CTNNA2: variants seen among roughly 807,000 people sequenced by gnomAD.
CTNNA2 encodes catenin alpha-2.
In CTNNA2, 42 loss-of-function variants were observed where a neutral mutation model predicts 101.0. The observed-to-expected ratio is 0.42, with a 90% CI of 0.32 to 0.54. The LOEUF (loss-of-function observed/expected upper bound fraction) is 0.54, where lower values mean the gene tolerates loss of function less well. Ranked by LOEUF, CTNNA2 falls within the 20% of genes least tolerant of loss-of-function variation. CTNNA2 has a pLI of 0.14. For missense variants in CTNNA2, 871 were observed against 1,223.1 expected (o/e 0.71, Z 4.29); for synonymous variants, 450 against 456.4 (o/e 0.99, Z 0.18).
chr2:80,093,624 G>A (rs908139585), intron 7 of CTNNA2, among the ~76,000 whole-genome samples: 3 of 152,106 alleles, frequency 2.0e-5, no homozygotes, highest in Non-Finnish European at 4.4e-5. Flanking sequence ...CCCACCAACA[G>A]AGTAAAAGTG....
chr2:79,511,055 A>G (rs1671525531), upstream of CTNNA2, among the ~76,000 whole-genome samples: 1 of 152,218 alleles, frequency 6.6e-6, no homozygotes, highest in African/African-American at 2.4e-5. Flanking sequence ...TTTTTAGTTT[A>G]TTCCCTCAGG....
At chr2:80,339,751 G>C (rs934768198) in intron 7 of CTNNA2, among the ~76,000 whole-genome samples, 1 of 152,172 alleles carries the variant, frequency 6.6e-6, no homozygotes, top group East Asian at 1.9e-4. Context: ...GAAAGTGTAA[G>C]AAACAAACCA....
At chr2:80,255,662 A>T (rs1001864470) in intron 7 of CTNNA2, among the ~76,000 whole-genome samples, 1 of 152,176 alleles carries the variant, frequency 6.6e-6, no homozygotes, top group Non-Finnish European at 1.5e-5. Context: ...TGAATAAAAG[A>T]TCCCACATTT....
In CTNNA2 at chr2:79,410,591, C is replaced by A. The variant is rs553823616; in HGVS notation, c.-135+36578C>A. Reference sequence around the variant, plus strand: ...GTTTGTCTTTGGTTCAGTTTATATGCTGGATTACATTTATTGATTTGTGTA... The same window carrying A: ...GTTTGTCTTTGGTTCAGTTTATATGATGGATTACATTTATTGATTTGTGTA... On this transcript the variant is annotated intron_variant, in intron 4 of 21. Coordinates refer to the CTNNA2 transcript ENST00000466387. Among the ~76,000 whole-genome samples, 9 of 152,052 alleles carry A rather than the reference C, an allele frequency of 5.9e-5. No homozygotes were observed. The South Asian group carries it at 1.9e-3, about 32-fold the overall frequency.
intron 7 of CTNNA2, among the ~76,000 whole-genome samples, chr2:79,971,427 C>T (rs1690475045): frequency 6.6e-6 from 1 of 152,020 alleles, no homozygotes; most frequent in African/African-American, 2.4e-5. Flanking sequence ...TCTTTATCTC[C>T]ACAGTGCCTC....
chr2:80,016,540 C>T (rs1694163584), intron 7 of CTNNA2, among the ~76,000 whole-genome samples: 1 of 152,050 alleles, frequency 6.6e-6, no homozygotes, highest in Non-Finnish European at 1.5e-5. Context: ...GGAAATCAGT[C>T]CTGAAAAGAG....
chr2:79,207,919 G>T (rs1674121685), intron 2 of CTNNA2, among the ~76,000 whole-genome samples: 1 of 152,144 alleles, frequency 6.6e-6, no homozygotes, highest in Non-Finnish European at 1.5e-5. Flanking sequence ...AATTTGAGTG[G>T]CAATGAGGTG....
At chr2:79,800,830 T>C (rs1676097288) in intron 3 of CTNNA2, among the ~76,000 whole-genome samples, 1 of 152,196 alleles carries the variant, frequency 6.6e-6, no homozygotes, top group Admixed American at 6.5e-5. Context: ...GCGCTAATTA[T>C]TGTTTTGTTG....
intron 2 of CTNNA2, among the ~76,000 whole-genome samples, chr2:79,278,266 T>TA (rs952862556): frequency 6.6e-6 from 1 of 152,142 alleles, no homozygotes; most frequent in Non-Finnish European, 1.5e-5. Context: ...CCAGGGACAC[T>TA]ATTGGCAATT....
chr2:80,115,299 G>A, intron 7 of CTNNA2, among the ~76,000 whole-genome samples: 1 of 152,218 alleles, frequency 6.6e-6, no homozygotes, highest in East Asian at 1.9e-4. Context: ...TTTGCAAGGT[G>A]TGATTCTGTA....
intron 7 of CTNNA2, among the ~76,000 whole-genome samples, chr2:80,055,076 G>A (rs941768250): frequency 2.0e-5 from 3 of 152,020 alleles, no homozygotes; most frequent in African/African-American, 4.8e-5. Context: ...GTCCAGGCTG[G>A]AGTGCAGTGA....
chr2:79,868,821 C>CA (rs1682350323), intron 4 of CTNNA2, among the ~76,000 whole-genome samples: 2 of 152,260 alleles, frequency 1.3e-5, no homozygotes, highest in African/African-American at 4.8e-5. Flanking sequence ...GTTGATTTTC[C>CA]AAAAACATGT....
intron 2 of CTNNA2, among the ~76,000 whole-genome samples, chr2:79,299,882 G>C (rs1176633676): frequency 6.6e-6 from 1 of 152,192 alleles, no homozygotes; most frequent in Admixed American, 6.5e-5. Flanking sequence ...AGATGTAGGT[G>C]AAAATATGCA....
intron 7 of CTNNA2, chr2:80,328,410 G>A (rs758783481): frequency 8.5e-5 from 40 of 470,698 alleles, no homozygotes; most frequent in Non-Finnish European, 1.5e-4. Context: ...TGGCTAGGCT[G>A]AGGGGCCAGA....
At chr2:79,533,552 A>G (rs1032120154) in intron 1 of CTNNA2, among the ~76,000 whole-genome samples, 5 of 152,158 alleles carry the variant, frequency 3.3e-5, no homozygotes, top group Non-Finnish European at 7.3e-5. Context: ...ACTAGAGTAT[A>G]TTAAATAATA....
intron 18 of CTNNA2, among the ~76,000 whole-genome samples, chr2:80,634,074 G>A (rs927865744): frequency 2.0e-5 from 3 of 152,110 alleles, no homozygotes; most frequent in South Asian, 2.1e-4. Flanking sequence ...AGCCTTTCAC[G>A]TCCTATTTCC....
chr2:80,596,975 T>C (rs1186789759), intron 15 of CTNNA2, among the ~76,000 whole-genome samples: 1 of 152,160 alleles, frequency 6.6e-6, no homozygotes, highest in Non-Finnish European at 1.5e-5. Context: ...ATCATGGTTT[T>C]TGTCACTGGT....
At chr2:79,578,310 GA>G (rs973996054) in intron 1 of CTNNA2, among the ~76,000 whole-genome samples, 2 of 151,674 alleles carry the variant, frequency 1.3e-5, no homozygotes, top group Admixed American at 1.3e-4. Context: ...TATAAGGTTC[GA>G]ATATTTCCTC....
At chr2:80,040,574 C>T (rs544554956) in intron 7 of CTNNA2, among the ~76,000 whole-genome samples, 4 of 152,158 alleles carry the variant, frequency 2.6e-5, no homozygotes, top group Admixed American at 1.3e-4. Context: ...TTGTTGGGCC[C>T]GGGTTGGTAC....
Sources: gnomAD v4.1 joint callset for allele counts (sites outside exome capture counted in the v4.1 genomes callset) on GRCh38, gnomAD v4.1.1 for gene constraint, MANE v1.5 for transcripts, NCBI Gene and HGNC (gene_info 2026-07-23, HGNC 2026-07-21) for gene names.